ARHGAP31: variants seen among roughly 807,000 people sequenced by gnomAD.
ARHGAP31 encodes the protein rho GTPase-activating protein 31.
In ARHGAP31, 34 loss-of-function variants were observed where a neutral mutation model predicts 113.9. The observed-to-expected ratio is 0.30, with a 90% CI of 0.23 to 0.40. The LOEUF is 0.40. ARHGAP31 is among the 10% of genes least tolerant of loss of function. ARHGAP31 has a pLI of 1.00. For synonymous variants in ARHGAP31, 650 were observed against 684.8 expected (o/e 0.95, Z 0.79); for missense variants, 1,548 against 1,767.1 (o/e 0.88, Z 2.22).
intron 7 of ARHGAP31, 132 bp downstream of exon 7, chr3:119,391,115 C>A: frequency 1.0e-6 from 1 of 1,001,242 alleles, no homozygotes; most frequent in Non-Finnish European, 1.5e-6. Context: ...TTTAAGGAAA[C>A]ATTCCAGAAG....
At chr3:119,364,343 C>T (rs1175357992) in intron 1 of ARHGAP31, among the ~76,000 whole-genome samples, 1 of 151,778 alleles carries the variant, frequency 6.6e-6, no homozygotes, top group South Asian at 2.1e-4. Context: ...TTTTTTCCTT[C>T]GAATTTTTTT....
chr3:119,325,451 A>G (rs1010293598), intron 1 of ARHGAP31, among the ~76,000 whole-genome samples: 1 of 152,202 alleles, frequency 6.6e-6, no homozygotes, highest in Non-Finnish European at 1.5e-5. Context: ...GGCTTGCCCA[A>G]GGAGGCTTAC....
chr3:119,295,110 C>A, intron 1 of ARHGAP31, 106 bp downstream of exon 1: 1 of 1,037,516 alleles, frequency 9.6e-7, no homozygotes. Flanking sequence ...TAATGTATTC[C>A]AGGCCTGTGC....
At chr3:119,396,130 G>T (rs992171932) in intron 8 of ARHGAP31, among the ~76,000 whole-genome samples, 7 of 152,156 alleles carry the variant, frequency 4.6e-5, no homozygotes, top group African/African-American at 1.7e-4. Context: ...TTGATCTTAG[G>T]AAGATTTCCA....
intron 1 of ARHGAP31, among the ~76,000 whole-genome samples, chr3:119,346,973 A>G (rs970857945): frequency 1.3e-5 from 2 of 152,222 alleles, no homozygotes; most frequent in African/African-American, 2.4e-5. Context: ...TTGACAAAAA[A>G]GTGGAGAGCA....
intron 1 of ARHGAP31, among the ~76,000 whole-genome samples, chr3:119,363,149 C>T (rs1286092262): frequency 3.3e-5 from 5 of 152,090 alleles, no homozygotes; most frequent in African/African-American, 9.7e-5. Context: ...GGCAGGTTAC[C>T]GAACAGTGAG....
Position 119,402,263 on chromosome 3 carries a change from C to A in ARHGAP31, c.1511C>A (p.Thr504Asn), listed in dbSNP as rs2080617898. 6.2e-7 allele frequency: 1 copy of A among 1,614,160 alleles called. No homozygotes were observed. Among genetic ancestry groups the A allele is most frequent in the Non-Finnish European group, 8.5e-7 (1 of 1,180,062 alleles). Residue 504 changes from threonine to asparagine, a missense_variant, in exon 10 of 12, where the codon ACC (threonine) becomes AAC (asparagine). Thr to Asn is a moderately conservative substitution (Grantham distance 65). Transcript: ENST00000264245. ...VPLRVSAVIS[T>N]NSTPCRTPPK... ...CTCCGCGTGTCCGCAGTCATCAGCACCAACAGCACGCCGTGCAGAACACCC... is the reference window on the plus strand; with the variant it reads ...CTCCGCGTGTCCGCAGTCATCAGCAACAACAGCACGCCGTGCAGAACACCC...
rs2079682866 is a variant in ARHGAP31, at chr3:119,311,433, A to C, written c.100+16429A>C. 2.0e-5 allele frequency among the ~76,000 whole-genome samples: 3 copies of C among 152,254 alleles called. No individual in the cohort carries two copies. In the South Asian group the frequency reaches 6.2e-4, roughly 32 times the overall value. ...TCTCTTATGAAGTGATTACATTAGG[A>C]CCACTCAGACAATCCAAAATAATCT... On this transcript the variant is annotated intron_variant, in intron 1 of 11. Coordinates refer to ENST00000264245, the MANE Select transcript of ARHGAP31 (RefSeq NM_020754.4).
intron 1 of ARHGAP31, among the ~76,000 whole-genome samples, chr3:119,332,635 T>TCTCTCTCTCACACA (rs1403595583): frequency 1.2e-5 from 1 of 85,664 alleles, no homozygotes; most frequent in Non-Finnish European, 2.1e-5. Context: ...TCTCTCTCTC[T>TCTCTCTCTCACACA]CACACACACA....
At position 119,368,515 on chromosome 3, in the gene ARHGAP31, C is replaced by T. The variant is rs756581922; in HGVS notation, c.347C>T (p.Thr116Met). The change falls in exon 3 of 12, where the codon ACG becomes ATG. Residue 116 changes from threonine (T) to methionine (M), a missense_variant and splice_region_variant. Thr to Met is a moderately conservative substitution (Grantham distance 81). Transcript: ENST00000264245. ...ACTTATGAGCTCTATGAGAAATTCA[C>T]GGTGAGTGTTTGGATTTCCATTATG... is the stretch of plus-strand genomic sequence containing the variant. ...LLTYELYEKF[T>M]EAVSHCPEEG... 9 of 1,613,960 alleles carry T rather than the reference C, an allele frequency of 5.6e-6. No individual in the cohort carries two copies. Among genetic ancestry groups the T allele is most frequent in the African/African-American group, 1.3e-5 (1 of 74,904 alleles).
chr3:119,300,621 A>G (rs7646428), intron 1 of ARHGAP31, among the ~76,000 whole-genome samples: 26,594 of 151,830 alleles, frequency 0.18, 2,468 homozygotes, highest in African/African-American at 0.22. Context: ...TTGAGGTCAG[A>G]CGTTCGAGAC....
intron 6 of ARHGAP31, among the ~76,000 whole-genome samples, chr3:119,384,011 T>C (rs2080426123): frequency 6.6e-6 from 1 of 152,224 alleles, no homozygotes; most frequent in Admixed American, 6.5e-5. Flanking sequence ...TAATTTGCAT[T>C]TCTAACAAGT....
chr3:119,338,804 G>A (rs1435700644), intron 1 of ARHGAP31, among the ~76,000 whole-genome samples: 3 of 152,206 alleles, frequency 2.0e-5, no homozygotes, highest in African/African-American at 7.2e-5. Context: ...CTGTAGAGGA[G>A]AGTAGCATTA....
chr3:119,406,106 A>C (rs1457746185), intron 10 of ARHGAP31, among the ~76,000 whole-genome samples: 3 of 152,204 alleles, frequency 2.0e-5, no homozygotes, highest in Non-Finnish European at 4.4e-5. Flanking sequence ...AGAAGAGAGG[A>C]CATGTGGCTG....
At chr3:119,371,014 C>A (rs2080292776) in intron 3 of ARHGAP31, among the ~76,000 whole-genome samples, 1 of 152,002 alleles carries the variant, frequency 6.6e-6, no homozygotes, top group African/African-American at 2.4e-5. Context: ...TATTTGTTGA[C>A]CTGAATCAAC....
At chr3:119,306,356 C>G (rs1372975501) in intron 1 of ARHGAP31, among the ~76,000 whole-genome samples, 1 of 151,870 alleles carries the variant, frequency 6.6e-6, no homozygotes, top group Admixed American at 6.6e-5. Context: ...GAATTCAAGA[C>G]CAGCCTGGCC....
At chr3:119,296,801 G>T (rs188918864) in intron 1 of ARHGAP31, among the ~76,000 whole-genome samples, 1 of 152,110 alleles carries the variant, frequency 6.6e-6, no homozygotes, top group African/African-American at 2.4e-5. Context: ...CCAGTACCCC[G>T]GGTTCCCCAC....
chr3:119,310,698 C>T (rs538022152), intron 1 of ARHGAP31, among the ~76,000 whole-genome samples: 1 of 152,158 alleles, frequency 6.6e-6, no homozygotes, highest in Admixed American at 6.5e-5. Flanking sequence ...AAGTTGTCTT[C>T]CACGAAACTG....
At chr3:119,408,125 A>T (rs577211468) in intron 10 of ARHGAP31, among the ~76,000 whole-genome samples, 86 of 152,322 alleles carry the variant, frequency 5.6e-4, no homozygotes, top group African/African-American at 2.0e-3. Context: ...TGCATAGGTT[A>T]TATGCAAATA....
Sources: allele counts gnomAD v4.1 joint callset (sites outside exome capture counted in the v4.1 genomes callset), GRCh38; gene constraint gnomAD v4.1.1; transcripts MANE v1.5; gene names NCBI Gene and HGNC (gene_info 2026-07-23, HGNC 2026-07-21).